Variants in TRPM2 observed in about 807,000 individuals in gnomAD.
TRPM2 encodes the protein transient receptor potential cation channel subfamily M member 2.
TRPM2 carries 161 observed loss-of-function variants against 174.0 expected under a neutral mutation model. That is an observed-to-expected ratio of 0.93 (90% CI 0.81 to 1.05). TRPM2 has a LOEUF of 1.05. Ranked by LOEUF, TRPM2 falls within the 50% of genes least tolerant of loss-of-function variation. TRPM2 has a pLI of 0.00. For synonymous variants in TRPM2, 954 were observed against 861.3 expected (o/e 1.11, Z -1.88); for missense variants, 2,057 against 2,038.0 (o/e 1.01, Z -0.18).
intron 19 of TRPM2, among the ~76,000 whole-genome samples, chr21:44,409,073 A>G (rs933379868): frequency 4.1e-4 from 63 of 152,024 alleles, no homozygotes; most frequent in African/African-American, 1.4e-3. Flanking sequence ...GTATGATTTG[A>G]ATTTTTTTTG....
At position 44,418,575 on chromosome 21, in the gene TRPM2, C is replaced by T. The variant is rs2050399501; in HGVS notation, c.3461+20C>T. 2 of 1,613,112 alleles carry T rather than the reference C, an allele frequency of 1.2e-6. No homozygotes were observed. Among genetic ancestry groups the T allele is most frequent in the Admixed American group, 1.7e-5 (1 of 59,964 alleles). ...CAATAAGTATGGGGGCTCCGGTGGG[C>T]CTGGGGGCGGGAAGCCTCTGGGGGA... On this transcript the variant is annotated intron_variant, in intron 22 of 31. Coordinates refer to ENST00000397928, the MANE Select transcript of TRPM2 (RefSeq NM_003307.4).
chr21:44,433,693 TGG>T (rs2051116103), intron 27 of TRPM2, among the ~76,000 whole-genome samples: 1 of 152,110 alleles, frequency 6.6e-6, no homozygotes, highest in Non-Finnish European at 1.5e-5. Flanking sequence ...GAGCAGCTTC[TGG>T]GGAGGCTGCC....
At chr21:44,388,662 A>C (rs560378916) in intron 9 of TRPM2, among the ~76,000 whole-genome samples, 1 of 150,022 alleles carries the variant, frequency 6.7e-6, no homozygotes, top group South Asian at 2.1e-4. Flanking sequence ...AAAAAAAAAA[A>C]AAAAAAAAAC....
intron 19 of TRPM2, among the ~76,000 whole-genome samples, chr21:44,412,624 T>A (rs1416366748): frequency 6.6e-6 from 1 of 151,940 alleles, no homozygotes; most frequent in East Asian, 1.9e-4. Flanking sequence ...TTTCCTTCCT[T>A]CTGCTTGCTT....
intron 3 of TRPM2, among the ~76,000 whole-genome samples, chr21:44,365,792 G>C (rs1602136034): frequency 6.6e-6 from 1 of 152,182 alleles, no homozygotes; most frequent in Non-Finnish European, 1.5e-5. Context: ...TACTGCAGCA[G>C]GTCTGCCTCG....
rs2146196323 is a variant in TRPM2, at chr21:44,376,770, C to A, written c.952+757C>A. 6.6e-6 allele frequency among the ~76,000 whole-genome samples: 1 copy of A among 152,264 alleles called. No homozygotes were observed. Among genetic ancestry groups the A allele is most frequent in the South Asian group, 2.1e-4 (1 of 4,826 alleles). ...GACCTGTGGCTGGGTGGGCTGGGGT[C>A]CCTTGCAGGGTTCCTTGTGCATCGA... is the stretch of plus-strand genomic sequence containing the variant. On this transcript the variant is annotated intron_variant, in intron 6 of 31. Transcript: ENST00000397928. The surrounding 1 kb of genome is among the most constrained non-coding windows in gnomAD (Gnocchi z 4.2).
At chr21:44,374,015 C>CTT (rs1015267813) in intron 5 of TRPM2, among the ~76,000 whole-genome samples, 5 of 145,356 alleles carry the variant, frequency 3.4e-5, no homozygotes, top group African/African-American at 1.0e-4. Flanking sequence ...CTCTCTCTCT[C>CTT]TTTTTTTTTT....
Position 44,399,337 on chromosome 21 carries a change from C to T in TRPM2, c.2104C>T (p.Gln702Ter). The stretch of plus-strand genomic sequence containing the variant: ...CTACCGGAAGGACGAAGAGAGAGCC[C>T]AGAAACTGCTCACCCGCGTGTCCGA... The part of the protein sequence containing the change: ...ECYRKDEERA[Q>*]KLLTRVSEAW... Residue 702 changes from glutamine (Q) to a stop codon, truncating the protein, a stop_gained, in exon 14 of 32, where the codon CAG (glutamine) becomes TAG (stop). Transcript: ENST00000397928. LOFTEE classifies it high-confidence loss of function. The surrounding 1 kb of genome is among the most constrained non-coding windows in gnomAD (Gnocchi z 4.6). 1 of 1,612,830 alleles carries T rather than the reference C, an allele frequency of 6.2e-7. No homozygotes were observed. Among genetic ancestry groups the T allele is most frequent in the South Asian group, 1.1e-5 (1 of 91,082 alleles).
At chr21:44,402,996 G>A (rs541759351) in intron 16 of TRPM2, among the ~76,000 whole-genome samples, 17 of 152,290 alleles carry the variant, frequency 1.1e-4, no homozygotes, top group African/African-American at 1.7e-4. Flanking sequence ...AGGCACCGGC[G>A]TCCCCAGGAA....
rs2048372522 is a variant in TRPM2 at position 44,366,720 on chromosome 21, A to G, written c.424-34A>G. 2.5e-6 allele frequency: 4 copies of G among 1,612,972 alleles called. No individual in the cohort carries two copies. Among genetic ancestry groups the G allele is most frequent in the Non-Finnish European group, 3.4e-6 (4 of 1,179,868 alleles). On this transcript the variant is annotated intron_variant, in intron 3 of 31. Transcript: ENST00000397928. This position sits in a 1 kb window ranked among gnomAD's most constrained non-coding sequence, Gnocchi z 6.0. ...CGGTGCTGTCCCTGACCACTGACAC[A>G]CAGGTTCCCTCCGCCGTTTTCCCTT...
chr21:44,438,508 G>C lies in TRPM2; in HGVS notation c.4168-559G>C, dbSNP rs1324196985. 6.6e-6 allele frequency among the ~76,000 whole-genome samples: 1 copy of C among 152,170 alleles called. No homozygotes were observed. The highest frequency in any genetic ancestry group is 1.5e-5 in the Non-Finnish European group (1 of 68,028). On this transcript the variant is annotated intron_variant, in intron 29 of 31. Transcript: ENST00000397928. The surrounding 1 kb of genome is among the most constrained non-coding windows in gnomAD (Gnocchi z 5.9). ...TGCAAAGTCTTCATGAGAAACCCAC[G>C]GGTGTTTCAGTGGGACTTTGAATGA...
chr21:44,391,678 A>G lies in TRPM2; in HGVS notation c.1794+53A>G. On this transcript the variant is annotated intron_variant, in intron 11 of 31. Transcript: ENST00000397928. The surrounding 1 kb of genome is among the most constrained non-coding windows in gnomAD (Gnocchi z 5.0). Reference sequence around the variant, plus strand: ...GGACTCGTCTTCGCGGGCTACTGCTATGTTCTTAGAGCTCTCTGTTTTTAA... The same window carrying G: ...GGACTCGTCTTCGCGGGCTACTGCTGTGTTCTTAGAGCTCTCTGTTTTTAA... The G allele has an allele frequency of 7.0e-7, 1 of 1,425,246 alleles. No homozygotes were observed. Among genetic ancestry groups the G allele is most frequent in the Non-Finnish European group, 9.4e-7 (1 of 1,066,082 alleles). The allele number at this position is 1,425,246 out of a possible 1,614,324, so 88.3% of individuals were successfully genotyped here.
rs777487250 is a variant in TRPM2 at position 44,406,733 on chromosome 21, C to T, written c.2930C>T (p.Thr977Ile). ...GGGGCCGTCTACCACTCCTACCTCA[C>T]CATCTTCGGGCAGATCCCGGGCTAC... is the stretch of plus-strand genomic sequence containing the variant. ...FRGAVYHSYL[T>I]IFGQIPGYID... is the part of the protein sequence containing the mutation. Residue 977 changes from threonine (T) to isoleucine (I), a missense_variant, in exon 19 of 32, where the codon ACC becomes ATC. Thr to Ile is a moderately conservative substitution (Grantham distance 89). Transcript: ENST00000397928. 2.5e-6 allele frequency: 4 copies of T among 1,607,634 alleles called. No homozygotes were observed. Among genetic ancestry groups the T allele is most frequent in the Non-Finnish European group, 3.4e-6 (4 of 1,178,680 alleles).
chr21:44,438,949 C>A lies in TRPM2; in HGVS notation c.4168-118C>A. On this transcript the variant is annotated intron_variant, in intron 29 of 31. Transcript: ENST00000397928. The surrounding 1 kb of genome is among the most constrained non-coding windows in gnomAD (Gnocchi z 5.9). ...AGCCTGAGATGCCGCCTGCCTGTGGCTCCCAGGGCTGGGCCGCTGCCCACG... is the reference window on the plus strand; with the variant it reads ...AGCCTGAGATGCCGCCTGCCTGTGGATCCCAGGGCTGGGCCGCTGCCCACG... The A allele has an allele frequency of 5.5e-6, 4 of 725,922 alleles. No individual in the cohort carries two copies. The highest frequency in any genetic ancestry group is 1.7e-5 in the South Asian group (1 of 58,282). The allele number at this position is 725,922 out of a possible 1,614,324, so 45.0% of individuals were successfully genotyped here.
At chr21:44,410,813 C>T (rs1332299075) in intron 19 of TRPM2, among the ~76,000 whole-genome samples, 1 of 70,424 alleles carries the variant, frequency 1.4e-5, no homozygotes, top group Non-Finnish European at 3.4e-5. Context: ...AAGTTTTGAC[C>T]GCACTGTCTT....
Position 44,366,512 on chromosome 21 carries a change from G to T in TRPM2, c.424-242G>T, listed in dbSNP as rs1321773540. 6.6e-6 allele frequency among the ~76,000 whole-genome samples: 1 copy of T among 152,128 alleles called. No homozygotes were observed. Among genetic ancestry groups the T allele is most frequent in the African/African-American group, 2.4e-5 (1 of 41,440 alleles). On this transcript the variant is annotated intron_variant, in intron 3 of 31. Transcript: ENST00000397928. This position sits in a 1 kb window ranked among gnomAD's most constrained non-coding sequence, Gnocchi z 6.0. ...CGTGGGGGCACGAGGGCTGGGGGAG[G>T]TTTGCTGAGGGCGATCCTGGTCCCC... is the stretch of plus-strand genomic sequence containing the variant.
At chr21:44,351,398 T>A (rs2047924355), upstream of TRPM2, among the ~76,000 whole-genome samples, 1 of 152,202 alleles carries the variant, frequency 6.6e-6, no homozygotes, top group Non-Finnish European at 1.5e-5. Context: ...CGGGAATAGC[T>A]CTGTGCAGGG....
Position 44,438,936 on chromosome 21 carries a change from C to G in TRPM2, c.4168-131C>G. ...GCAATGTCACTGCAGCCTGAGATGC[C>G]GCCTGCCTGTGGCTCCCAGGGCTGG... On this transcript the variant is annotated intron_variant, in intron 29 of 31. Coordinates refer to ENST00000397928, the MANE Select transcript of TRPM2 (RefSeq NM_003307.4). This position sits in a 1 kb window ranked among gnomAD's most constrained non-coding sequence, Gnocchi z 5.9. 1 of 656,146 alleles carries G rather than the reference C, an allele frequency of 1.5e-6. No homozygotes were observed. Among genetic ancestry groups the G allele is most frequent in the Non-Finnish European group, 2.6e-6 (1 of 383,932 alleles). The allele number at this position is 656,146 out of a possible 1,614,324, so 40.6% of individuals were successfully genotyped here.
At chr21:44,357,193 C>T (rs762496924) in intron 2 of TRPM2, among the ~76,000 whole-genome samples, 12 of 152,306 alleles carry the variant, frequency 7.9e-5, no homozygotes, top group East Asian at 1.9e-4. Flanking sequence ...GTTTGAACGC[C>T]GCTGACACCC....
Sources: allele counts gnomAD v4.1 joint callset (sites outside exome capture counted in the v4.1 genomes callset), GRCh38; gene constraint gnomAD v4.1.1; non-coding constraint Gnocchi (gnomAD v3.1); transcripts MANE v1.5; gene names NCBI Gene and HGNC (gene_info 2026-07-23, HGNC 2026-07-21).